The following ORC1 variants were observed in gnomAD, a reference collection of about 807,000 sequenced individuals.
ORC1 encodes the protein origin recognition complex subunit 1, also known as origin recognition complex, subunit 1 homolog.
ORC1 carries 61 observed loss-of-function variants against 98.9 expected under a neutral mutation model. That is an observed-to-expected ratio of 0.62 (90% confidence interval 0.50 to 0.76). ORC1 has a LOEUF of 0.76. ORC1 is among the 30% of genes least tolerant of loss of function. The pLI, the probability that ORC1 is intolerant of heterozygous loss-of-function variation, is 0.00. For missense variants in ORC1, 979 were observed against 1,072.2 expected (o/e 0.91, Z 1.21); for synonymous variants, 385 against 406.9 (o/e 0.95, Z 0.65).
At chr1:52,385,799 G>T in intron 9 of ORC1, 53 bp downstream of exon 9, 3 of 1,185,172 alleles carry the variant, frequency 2.5e-6, no homozygotes, top group Non-Finnish European at 3.8e-6. Context: ...GTGAATGAAA[G>T]CAGAGGCCCC....
chr1:52,401,275 ACTG>A (rs952220747), intron 3 of ORC1, 84 bp downstream of exon 3: 81 of 1,529,834 alleles, frequency 5.3e-5, no homozygotes, highest in Non-Finnish European at 7.2e-5. Flanking sequence ...TGCCCTGCAC[ACTG>A]CTGTGAACAA....
Position 52,384,667 on chromosome 1 carries a change from T to C in ORC1, c.1638A>G (p.Glu546=). 1 of 1,613,960 alleles carries C rather than the reference T, an allele frequency of 6.2e-7. No individual in the cohort carries two copies. The highest frequency in any genetic ancestry group is 8.5e-7 in the Non-Finnish European group (1 of 1,179,940). ...PGTGKTATVH[E]VIRCLQQAAQ... Reference sequence around the variant, plus strand: ...CTGCCTGCTGCAGGCAGCGTATCACTTCATGAACAGTGGCAGTCTTCCCTG... The same window carrying C: ...CTGCCTGCTGCAGGCAGCGTATCACCTCATGAACAGTGGCAGTCTTCCCTG... Residue 546 remains glutamate, a synonymous_variant, in exon 11 of 17, where the codon GAA becomes GAG. Transcript: ENST00000371568.
At chr1:52,405,371 C>G (rs1647949242), upstream of ORC1, among the ~76,000 whole-genome samples, 1 of 152,192 alleles carries the variant, frequency 6.6e-6, no homozygotes, top group South Asian at 2.1e-4. Flanking sequence ...ATCTGTGGAC[C>G]TTGAGCAAGT....
chr1:52,397,550 C>A, intron 4 of ORC1, 135 bp downstream of exon 4: 1 of 843,064 alleles, frequency 1.2e-6, no homozygotes. Flanking sequence ...AACAGACAGG[C>A]AAGCACAGAA....
rs1278189605 is a variant in ORC1 at position 52,374,313 on chromosome 1, C to G, written c.2391+497G>C. Among the ~76,000 whole-genome samples, 8 of 152,192 alleles carry G rather than the reference C, an allele frequency of 5.3e-5. No homozygotes were observed. In the East Asian group the frequency reaches 1.5e-3, roughly 29 times the overall value. ...GTTAAATAAAGATGTCTAAAACATACATACACAAACATACACACTCTCAGG... is the reference window on the plus strand; with the variant it reads ...GTTAAATAAAGATGTCTAAAACATAGATACACAAACATACACACTCTCAGG... On this transcript the variant is annotated intron_variant, in intron 16 of 16. Transcript: ENST00000371568.
chr1:52,386,993 A>G (rs1647151301), intron 8 of ORC1, among the ~76,000 whole-genome samples: 1 of 152,162 alleles, frequency 6.6e-6, no homozygotes, highest in Non-Finnish European at 1.5e-5. Context: ...TTAATTTTGG[A>G]GAAAACAGAA....
intron 3 of ORC1, among the ~76,000 whole-genome samples, chr1:52,399,943 T>G (rs187668952): frequency 4.5e-4 from 69 of 152,244 alleles, no homozygotes; most frequent in African/African-American, 1.5e-3. Flanking sequence ...CAGCAATAGC[T>G]CCAACCGAAA....
At chr1:52,380,079 A>T (rs1325516282) in intron 14 of ORC1, among the ~76,000 whole-genome samples, 2 of 152,164 alleles carry the variant, frequency 1.3e-5, no homozygotes, top group African/African-American at 4.8e-5. Flanking sequence ...AAACTGGAAG[A>T]CCTCTTCTGT....
intron 13 of ORC1, among the ~76,000 whole-genome samples, chr1:52,383,035 C>T (rs554639034): frequency 1.2e-4 from 19 of 152,118 alleles, no homozygotes; most frequent in African/African-American, 4.6e-4. Context: ...AATCACATTT[C>T]TTAACATCCC....
chr1:52,399,613 G>C (rs1176789746), intron 3 of ORC1, among the ~76,000 whole-genome samples: 1 of 117,350 alleles, frequency 8.5e-6, no homozygotes, highest in African/African-American at 3.7e-5. Flanking sequence ...GACACAGCGA[G>C]ACTCTGTCTC....
rs755501953 is a variant in ORC1, at chr1:52,384,615, G to T, written c.1690C>A (p.Gln564Lys). ...TTCATGCCATTGACCTCAATGTATT[G>T]AAAGGGAGGAACATCATTGGCTTGG... ...AAQANDVPPFQYIEVNGMKLT... is the reference protein window; with the variant it reads ...AAQANDVPPFKYIEVNGMKLT... Residue 564 changes from glutamine (Q) to lysine (K), a missense_variant, in exon 11 of 17, where the codon CAA becomes AAA. By Grantham distance (53) the Gln-to-Lys change is moderately conservative (BLOSUM62 1). Transcript: ENST00000371568. The T allele has an allele frequency of 4.8e-5, 77 of 1,613,948 alleles. No homozygotes were observed. Among genetic ancestry groups the T allele is most frequent in the Non-Finnish European group, 6.4e-5 (75 of 1,179,946 alleles).
At position 52,389,274 on chromosome 1, in the gene ORC1, T is replaced by C. The variant is rs369381928; in HGVS notation, c.1130A>G (p.His377Arg). 4.3e-6 allele frequency: 7 copies of C among 1,614,176 alleles called. No individual in the cohort carries two copies. In the African/African-American group the frequency reaches 9.3e-5, roughly 22 times the overall value. Residue 377 changes from histidine (H) to arginine (R), a missense_variant, in exon 7 of 17, where the codon CAT becomes CGT. Physicochemically the swap from His to Arg is conservative, Grantham distance 29. Coordinates refer to ENST00000371568, the MANE Select transcript of ORC1 (RefSeq NM_004153.4). ...KAQNEATSTPHRIRRKSSVLT... is the reference protein window; with the variant it reads ...KAQNEATSTPRRIRRKSSVLT... ...GACAGAACTCTTTCTGCGGATACGATGGGGAGTAGAGGTCGCTTCATTCTG... is the reference window on the plus strand; with the variant it reads ...GACAGAACTCTTTCTGCGGATACGACGGGGAGTAGAGGTCGCTTCATTCTG...
intron 14 of ORC1, among the ~76,000 whole-genome samples, chr1:52,378,085 G>A (rs948400543): frequency 1.3e-5 from 2 of 152,074 alleles, no homozygotes; most frequent in African/African-American, 4.8e-5. Context: ...GGTGGCTCAC[G>A]CCTGTAATCC....
chr1:52,397,216 G>C (rs1569951188), intron 4 of ORC1, among the ~76,000 whole-genome samples: 1 of 152,090 alleles, frequency 6.6e-6, no homozygotes, highest in South Asian at 2.1e-4. Flanking sequence ...GTCACTTCAG[G>C]AAAAACTCAT....
chr1:52,405,702 C>T (rs771189699), upstream of ORC1: 1 of 1,613,486 alleles, frequency 6.2e-7, no homozygotes, highest in South Asian at 1.1e-5. Context: ...TCGATAAAGC[C>T]ATGGAGTTAA....
At chr1:52,389,597 C>T (rs1647184586) in intron 6 of ORC1, among the ~76,000 whole-genome samples, 1 of 152,176 alleles carries the variant, frequency 6.6e-6, no homozygotes, top group Admixed American at 6.5e-5. Context: ...ATGCTACTCC[C>T]AGGGAGAGGT....
intron 6 of ORC1, among the ~76,000 whole-genome samples, chr1:52,389,573 C>G (rs1483736092): frequency 6.6e-6 from 1 of 152,232 alleles, no homozygotes; most frequent in Non-Finnish European, 1.5e-5. Context: ...AACTCCCCAA[C>G]TAGAGACCAA....
At chr1:52,374,683 C>T (rs904946503) in intron 16 of ORC1, 127 bp downstream of exon 16, 5 of 720,148 alleles carry the variant, frequency 6.9e-6, no homozygotes, top group East Asian at 5.4e-5. Flanking sequence ...AAATAGGTGC[C>T]GGTCTGGTAT....
upstream of ORC1, chr1:52,405,962 C>A: frequency 1.3e-6 from 1 of 772,436 alleles, no homozygotes; most frequent in Non-Finnish European, 2.1e-6. Flanking sequence ...CAGATTTTTG[C>A]TTTTGAGCCC....
Sources: allele counts gnomAD v4.1 joint callset (sites outside exome capture counted in the v4.1 genomes callset), GRCh38; gene constraint gnomAD v4.1.1; transcripts MANE v1.5; gene names NCBI Gene and HGNC (gene_info 2026-07-23, HGNC 2026-07-21).